Variants in AHNAK observed in about 807,000 individuals in gnomAD.
AHNAK encodes the protein AHNAK nucleoprotein, also known as neuroblast differentiation-associated protein AHNAK.
Under a neutral mutation model 37.8 loss-of-function variants are expected in AHNAK, and 23 were observed. That is an observed-to-expected ratio of 0.61 (90% CI 0.44 to 0.86). AHNAK has a LOEUF of 0.86. Ranked by LOEUF, AHNAK falls within the 40% of genes least tolerant of loss-of-function variation. The pLI is 0.00. For synonymous variants in AHNAK, 2,481 were observed against 2,636.3 expected (o/e 0.94, Z 1.80); for missense variants, 7,411 against 7,319.4 (o/e 1.01, Z -0.46).
chr11:62,439,914 C>T (rs1590579439), intron 5 of AHNAK, among the ~76,000 whole-genome samples: 1 of 151,876 alleles, frequency 6.6e-6, no homozygotes, highest in African/African-American at 2.4e-5. Context: ...GTGATCCGCC[C>T]GCCTCCGCCT....
Position 62,533,853 on chromosome 11 carries a change from T to A in AHNAK, c.564A>T (p.Glu188Asp). 1 of 1,614,180 alleles carries A rather than the reference T, an allele frequency of 6.2e-7. No individual in the cohort carries two copies. The highest frequency in any genetic ancestry group is 2.2e-5 in the East Asian group (1 of 44,866). ...PEFKIKIPRH[E>D]LTEISNVDVE... ...CATCCACATTGGAGATTTCAGTCAG[T>A]TCATGTCTTGGAATCTTGATCTTGA... The change falls in exon 5 of 5, where the codon GAA becomes GAT. Residue 188 changes from glutamate to aspartate, a missense_variant. By Grantham distance (45) the Glu-to-Asp change is conservative. Coordinates refer to ENST00000378024, the MANE Select transcript of AHNAK (RefSeq NM_001620.3).
intron 3 of AHNAK, among the ~76,000 whole-genome samples, chr11:62,535,697 G>A (rs1940921621): frequency 6.6e-6 from 1 of 151,782 alleles, no homozygotes; most frequent in Non-Finnish European, 1.5e-5. Flanking sequence ...CAGAGCTAGT[G>A]GGTGGTGGAG....
In AHNAK at chr11:62,518,067, C is replaced by T. The variant is rs146447446; in HGVS notation, c.16350G>A (p.Pro5450=). ...GTCCTTCCAAGTTAAAGTCCACATTCGGTGCTGAAATCCGAGGCCCTTTCA... is the reference window on the plus strand; with the variant it reads ...GTCCTTCCAAGTTAAAGTCCACATTTGGTGCTGAAATCCGAGGCCCTTTCA... ...VNLKGPRISA[P]NVDFNLEGPK... Residue 5450 remains proline (P), a synonymous_variant, in exon 5 of 5, where the codon CCG becomes CCA. Transcript: ENST00000378024. 73 of 1,614,070 alleles carry T rather than the reference C, an allele frequency of 4.5e-5. 1 individual carries two copies. The highest frequency in any genetic ancestry group is 1.6e-4 in the Middle Eastern group (1 of 6,084).
In AHNAK at chr11:62,519,373, C is replaced by T; in HGVS notation, c.15044G>A (p.Gly5015Asp). The T allele has an allele frequency of 6.2e-7, 1 of 1,614,052 alleles. No individual in the cohort carries two copies. The highest frequency in any genetic ancestry group is 1.1e-5 in the South Asian group (1 of 91,040). The change falls in exon 5 of 5, where the codon GGT (glycine) becomes GAT (aspartate). Residue 5015 changes from glycine to aspartate, a missense_variant. Gly to Asp is a moderately conservative substitution (Grantham distance 94, BLOSUM62 -1). Transcript: ENST00000378024. ...LNLETPEISVGGKGKKSKFKM... is the reference protein window; with the variant it reads ...LNLETPEISVDGKGKKSKFKM... ...AAACTTACTTTTCTTGCCCTTGCCA[C>T]CAACACTAATTTCAGGAGTCTCAAG... is the stretch of plus-strand genomic sequence containing the variant.
intron 5 of AHNAK, among the ~76,000 whole-genome samples, chr11:62,485,154 T>C (rs1048985220): frequency 1.3e-5 from 2 of 152,116 alleles, no homozygotes; most frequent in Non-Finnish European, 2.9e-5. Context: ...ACCCCAGCAC[T>C]TTGAGAGGCC....
chr11:62,518,583 A>C lies in AHNAK; in HGVS notation c.15834T>G (p.Val5278=). The change falls in exon 5 of 5, where the codon GTT becomes GTG. Residue 5278 remains valine (V), a synonymous_variant. Coordinates refer to ENST00000378024, the MANE Select transcript of AHNAK (RefSeq NM_001620.3). ...GPDVKLEGPD[V]SLKGPGVDLP... ...AGTCTACTCCTGGCCCCTTTAGAGA[A>C]ACATCGGGCCCTTCGAGCTTAACAT... The C allele has an allele frequency of 6.2e-7, 1 of 1,614,192 alleles. No homozygotes were observed. Among genetic ancestry groups the C allele is most frequent in the Non-Finnish European group, 8.5e-7 (1 of 1,180,022 alleles).
At chr11:62,438,181 C>CTTTT (rs777083537) in intron 5 of AHNAK, among the ~76,000 whole-genome samples, 5 of 126,324 alleles carry the variant, frequency 4.0e-5, no homozygotes, top group African/African-American at 1.4e-4. Context: ...TTCTTTCTCT[C>CTTTT]TTTTTTTTTT....
In AHNAK at chr11:62,529,435, T is replaced by C. The variant is rs1940640676; in HGVS notation, c.4982A>G (p.His1661Arg). Residue 1661 changes from histidine to arginine, a missense_variant, in exon 5 of 5, where the codon CAC becomes CGC. Physicochemically the swap from His to Arg is conservative, Grantham distance 29 (BLOSUM62 0). Coordinates refer to ENST00000378024, the MANE Select transcript of AHNAK (RefSeq NM_001620.3). ...CCCTTTGACTTTGGGGCCTTTCAAG[T>C]GTAAGTCCACATCGGGCATGGAGAT... is the stretch of plus-strand genomic sequence containing the variant. The part of the protein sequence containing the change: ...PKISMPDVDL[H>R]LKGPKVKGDM... 1 of 1,614,034 alleles carries C rather than the reference T, an allele frequency of 6.2e-7. No homozygotes were observed. Among genetic ancestry groups the C allele is most frequent in the East Asian group, 2.2e-5 (1 of 44,846 alleles).
chr11:62,520,379 C>T lies in AHNAK; in HGVS notation c.14038G>A (p.Asp4680Asn). Residue 4680 changes from aspartate (D) to asparagine (N), a missense_variant, in exon 5 of 5, where the codon GAC becomes AAC. Coordinates refer to ENST00000378024, the MANE Select transcript of AHNAK (RefSeq NM_001620.3). ...PDVDVNLPKA[D>N]IDVSGPKVDV... ...ACTTTGGGTCCTGAGACATCAATGTCAGCCTTGGGCAGGTTCACATCCACA... is the reference window on the plus strand; with the variant it reads ...ACTTTGGGTCCTGAGACATCAATGTTAGCCTTGGGCAGGTTCACATCCACA... 1 of 1,613,468 alleles carries T rather than the reference C, an allele frequency of 6.2e-7. No homozygotes were observed. Among genetic ancestry groups the T allele is most frequent in the Non-Finnish European group, 8.5e-7 (1 of 1,179,922 alleles).
chr11:62,437,424 C>T (rs1348143180), intron 5 of AHNAK, among the ~76,000 whole-genome samples: 1 of 148,492 alleles, frequency 6.7e-6, no homozygotes, highest in Admixed American at 6.7e-5. Context: ...GGTGCAATCT[C>T]AGCCACTGCA....
Position 62,520,009 on chromosome 11 carries a change from C to G in AHNAK, c.14408G>C (p.Ser4803Thr). Residue 4803 changes from serine (S) to threonine (T), a missense_variant, in exon 5 of 5, where the codon AGC (serine) becomes ACC (threonine). Ser to Thr is a moderately conservative substitution (Grantham distance 58). Coordinates refer to ENST00000378024, the MANE Select transcript of AHNAK (RefSeq NM_001620.3). ...GACATCGATGTCGGCCTTGGGCAGG[C>G]TCACATCCACATCTGGACCTTCTCC... ...FKGEGPDVDV[S>T]LPKADIDVSG... The G allele has an allele frequency of 6.2e-7, 1 of 1,609,988 alleles. No individual in the cohort carries two copies. The highest frequency in any genetic ancestry group is 8.5e-7 in the Non-Finnish European group (1 of 1,178,722).
chr11:62,519,256 C>T lies in AHNAK; in HGVS notation c.15161G>A (p.Ser5054Asn), dbSNP rs2134195704. The change falls in exon 5 of 5, where the codon AGC becomes AAC. Residue 5054 changes from serine to asparagine, a missense_variant. Ser to Asn is a conservative substitution (Grantham distance 46, BLOSUM62 1). Coordinates refer to ENST00000378024, the MANE Select transcript of AHNAK (RefSeq NM_001620.3). ...LNVPGGEIDA[S>N]LKAPDVDVNI... ...GACATCTACATCCGGAGCCTTGAGG[C>T]TGGCATCAATTTCACCCCCAGGAAC... 1 of 1,614,156 alleles carries T rather than the reference C, an allele frequency of 6.2e-7. No homozygotes were observed. Among genetic ancestry groups the T allele is most frequent in the East Asian group, 2.2e-5 (1 of 44,884 alleles).
rs114553252 is a variant in AHNAK, at chr11:62,533,536, G to A, written c.881C>T (p.Pro294Leu). The A allele has an allele frequency of 3.7e-5, 59 of 1,614,138 alleles. No homozygotes were observed. Among genetic ancestry groups the A allele is most frequent in the East Asian group, 2.9e-4 (13 of 44,884 alleles). ...GCCATGATCACCACTCTCCAGAGAT[G>A]GGCCCTGTACCTCTACTGCCCTACC... ...LGGRAVEVQG[P>L]SLESGDHGKI... Residue 294 changes from proline (P) to leucine (L), a missense_variant, in exon 5 of 5, where the codon CCA (proline) becomes CTA (leucine). Transcript: ENST00000378024.
chr11:62,539,070 G>T (rs1164030140), intron 1 of AHNAK, among the ~76,000 whole-genome samples: 2 of 152,174 alleles, frequency 1.3e-5, no homozygotes, highest in African/African-American at 4.8e-5. Context: ...GAGCCTCTGG[G>T]CTCAGGTGCA....
chr11:62,528,610 A>T lies in AHNAK; in HGVS notation c.5807T>A (p.Val1936Asp), dbSNP rs1177393514. 6.2e-7 allele frequency: 1 copy of T among 1,609,238 alleles called. No individual in the cohort carries two copies. Among genetic ancestry groups the T allele is most frequent in the African/African-American group, 1.4e-5 (1 of 73,872 alleles). The change falls in exon 5 of 5, where the codon GTC becomes GAC. Residue 1936 changes from valine to aspartate, a missense_variant. Coordinates refer to ENST00000378024, the MANE Select transcript of AHNAK (RefSeq NM_001620.3). Reference protein sequence around the residue: ...DVDLHLKGPKVKGDVDVSVPK... With the variant: ...DVDLHLKGPKDKGDVDVSVPK... ...CACCGACACATCCACATCCCCTTTG[A>T]CTTTGGGGCCTTTCAAGTGTAAGTC...
At chr11:62,433,943 C>G (rs1938104378) in intron 5 of AHNAK, 6 of 1,599,304 alleles carry the variant, frequency 3.8e-6, no homozygotes, top group Admixed American at 1.8e-5. Context: ...TTGCATCTCT[C>G]CATAAAATCA....
At chr11:62,454,461 C>A (rs977767846) in intron 5 of AHNAK, among the ~76,000 whole-genome samples, 4 of 151,714 alleles carry the variant, frequency 2.6e-5, no homozygotes, top group Non-Finnish European at 5.9e-5. Context: ...GAATCCCTCC[C>A]ATCTTCAAGA....
intron 4 of AHNAK, among the ~76,000 whole-genome samples, chr11:62,510,635 T>C (rs1044950276): frequency 1.3e-4 from 20 of 151,898 alleles, no homozygotes; most frequent in African/African-American, 4.8e-4. Context: ...TCCCAGCTAC[T>C]TGGGAGGCTG....
chr11:62,509,628 G>T (rs969372255), intron 4 of AHNAK, among the ~76,000 whole-genome samples: 5 of 151,622 alleles, frequency 3.3e-5, no homozygotes, highest in Non-Finnish European at 7.4e-5. Context: ...CCCCAAAGAG[G>T]AAAAAAAGAC....
Sources: allele counts gnomAD v4.1 joint callset (sites outside exome capture counted in the v4.1 genomes callset), GRCh38; gene constraint gnomAD v4.1.1; transcripts MANE v1.5; gene names NCBI Gene and HGNC (gene_info 2026-07-23, HGNC 2026-07-21).